The following DOK6 variants were observed in gnomAD, a reference collection of about 807,000 sequenced individuals.
The protein encoded by DOK6 is downstream of tyrosine kinase 6.
DOK6 carries 22 observed loss-of-function variants against 44.0 expected under a neutral mutation model. That is an observed-to-expected ratio of 0.50 (90% confidence interval 0.36 to 0.71). The LOEUF (loss-of-function observed/expected upper bound fraction) is 0.71, where lower values mean the gene tolerates loss of function less well. Ranked by LOEUF, DOK6 falls within the 30% of genes least tolerant of loss-of-function variation. DOK6 has a pLI of 0.00. For missense variants in DOK6, 340 were observed against 416.4 expected (o/e 0.82, Z 1.60); for synonymous variants, 166 against 145.5 (o/e 1.14, Z -1.01).
At chr18:69,824,200 C>CA (rs1418626011) in intron 7 of DOK6, among the ~76,000 whole-genome samples, 1 of 134,090 alleles carries the variant, frequency 7.5e-6, no homozygotes, top group Non-Finnish European at 1.6e-5. Context: ...CCCCCCTCCC[C>CA]CCACCCCACA....
chr18:69,761,639 G>A lies in DOK6; in HGVS notation c.856+3766G>A, dbSNP rs562785986. Among the ~76,000 whole-genome samples, 7 of 152,248 alleles carry A rather than the reference G, an allele frequency of 4.6e-5. No homozygotes were observed. The East Asian group carries it at 1.2e-3, about 25-fold the overall frequency. ...CAGGGCTGAGTTGGCTGCATCAGTT[G>A]GTGAAAGTGGTATCCAGCCAAGTCC... On this transcript the variant is annotated intron_variant, in intron 7 of 7. Transcript: ENST00000382713.
intron 1 of DOK6, among the ~76,000 whole-genome samples, chr18:69,524,923 T>C (rs143711410): frequency 6.6e-6 from 1 of 151,832 alleles, no homozygotes; most frequent in Admixed American, 6.6e-5. Flanking sequence ...GCAAATTCAC[T>C]GGAGAGATGA....
chr18:69,815,610 A>G (rs938586192), intron 7 of DOK6, among the ~76,000 whole-genome samples: 13 of 152,192 alleles, frequency 8.5e-5, no homozygotes, highest in African/African-American at 2.9e-4. Flanking sequence ...CAAGTAAGAG[A>G]AAATCTTATG....
chr18:69,542,113 C>G (rs1982284800), intron 1 of DOK6, among the ~76,000 whole-genome samples: 2 of 151,368 alleles, frequency 1.3e-5, no homozygotes, highest in African/African-American at 4.8e-5. Context: ...CAACTGGATG[C>G]TCTCAAAGGT....
intron 7 of DOK6, among the ~76,000 whole-genome samples, chr18:69,780,734 G>A (rs891728451): frequency 2.0e-5 from 3 of 152,268 alleles, no homozygotes; most frequent in East Asian, 3.9e-4. Context: ...CTATGTATGC[G>A]AGTATATTCA....
intron 2 of DOK6, among the ~76,000 whole-genome samples, chr18:69,581,577 A>G (rs1983370556): frequency 6.6e-6 from 1 of 152,208 alleles, no homozygotes; most frequent in African/African-American, 2.4e-5. Context: ...GTATACACCT[A>G]TAGGCATCAT....
rs192601829 is a variant in DOK6 at position 69,833,840 on chromosome 18, A to G, written c.857-7404A>G. Among the ~76,000 whole-genome samples the G allele has an allele frequency of 5.6e-3, 848 of 152,346 alleles. 4 individuals are homozygous for G. The highest frequency in any genetic ancestry group is 9.1e-3 in the Non-Finnish European group (622 of 68,016). ...ATAACTAATCATTAGAGAAATGCAG[A>G]TCACAACTACAATGGGATATCATCT... On this transcript the variant is annotated intron_variant, in intron 7 of 7. Transcript: ENST00000382713.
intron 4 of DOK6, among the ~76,000 whole-genome samples, chr18:69,683,956 C>T (rs781329124): frequency 1.3e-5 from 2 of 151,988 alleles, no homozygotes; most frequent in Non-Finnish European, 2.9e-5. Flanking sequence ...TTGTGTTCCA[C>T]GAAACACATA....
Position 69,567,344 on chromosome 18 carries a change from T to G in DOK6, c.174+2750T>G, listed in dbSNP as rs1983008451. On this transcript the variant is annotated intron_variant, in intron 2 of 7. Transcript: ENST00000382713. ...TTTAAAAAAATAGGATAATACAGAA[T>G]TAATGGATAACAGCTATAGATATGA... Among the ~76,000 whole-genome samples, 3 of 152,226 alleles carry G rather than the reference T, an allele frequency of 2.0e-5. No individual in the cohort carries two copies. The South Asian group carries it at 6.2e-4, about 32-fold the overall frequency.
intron 1 of DOK6, among the ~76,000 whole-genome samples, chr18:69,485,499 G>A (rs1225268923): frequency 3.9e-5 from 6 of 152,104 alleles, no homozygotes; most frequent in Non-Finnish European, 8.8e-5. Flanking sequence ...GAGGGCATAG[G>A]ATATCCTGCA....
chr18:69,523,200 T>C (rs892821291), intron 1 of DOK6, among the ~76,000 whole-genome samples: 1 of 152,038 alleles, frequency 6.6e-6, no homozygotes, highest in African/African-American at 2.4e-5. Flanking sequence ...TGAATATTGA[T>C]TCAATAAAGT....
At position 69,519,305 on chromosome 18, in the gene DOK6, A is replaced by G. The variant is rs191667511; in HGVS notation, c.67-45182A>G. The stretch of plus-strand genomic sequence containing the variant: ...GTAATTTAGTAATTTATAGTGAAGA[A>G]AAAAACACAAACCTCAGTAACCAAA... On this transcript the variant is annotated intron_variant, in intron 1 of 7. Transcript: ENST00000382713. 2.1e-3 allele frequency among the ~76,000 whole-genome samples: 312 copies of G among 151,990 alleles called. 1 individual carries two copies. Among genetic ancestry groups the G allele is most frequent in the Non-Finnish European group, 3.6e-3 (245 of 67,866 alleles).
intron 7 of DOK6, among the ~76,000 whole-genome samples, chr18:69,770,233 A>T (rs1458535470): frequency 6.6e-6 from 1 of 152,096 alleles, no homozygotes; most frequent in Non-Finnish European, 1.5e-5. Context: ...CCCATTTTAC[A>T]AATAAGAAAA....
chr18:69,547,108 TGTTA>T (rs1273849116), intron 1 of DOK6, among the ~76,000 whole-genome samples: 1 of 151,576 alleles, frequency 6.6e-6, no homozygotes, highest in Non-Finnish European at 1.5e-5. Flanking sequence ...TTTGTTTGTT[TGTTA>T]GTTTTTTGAG....
intron 3 of DOK6, among the ~76,000 whole-genome samples, chr18:69,605,413 G>C (rs768032643): frequency 3.3e-5 from 5 of 152,036 alleles, no homozygotes; most frequent in Non-Finnish European, 7.4e-5. Context: ...TTTCACCTAA[G>C]TCCTGATGCT....
At chr18:69,669,819 T>C (rs570897307) in intron 3 of DOK6, among the ~76,000 whole-genome samples, 273 of 152,330 alleles carry the variant, frequency 1.8e-3, no homozygotes, top group Non-Finnish European at 3.0e-3. Context: ...AATCACACCA[T>C]ATTCCTTATA....
At chr18:69,698,670 T>A in intron 5 of DOK6, 77 bp downstream of exon 5, 1 of 1,436,446 alleles carries the variant, frequency 7.0e-7, no homozygotes, top group East Asian at 2.4e-5. Flanking sequence ...TGAAAGAGAG[T>A]GCTGTCCATC....
chr18:69,447,297 T>C (rs988679960), intron 1 of DOK6, among the ~76,000 whole-genome samples: 7 of 152,218 alleles, frequency 4.6e-5, no homozygotes, highest in Admixed American at 3.9e-4. Flanking sequence ...CCTAGCACCA[T>C]TTATTAAATA....
chr18:69,645,459 A>T (rs879801919), intron 3 of DOK6, among the ~76,000 whole-genome samples: 1 of 152,236 alleles, frequency 6.6e-6, no homozygotes, highest in Admixed American at 6.5e-5. Context: ...AAATAAGATG[A>T]CAAAGTTGGG....
Sources: allele counts gnomAD v4.1 joint callset (sites outside exome capture counted in the v4.1 genomes callset), GRCh38; gene constraint gnomAD v4.1.1; transcripts MANE v1.5; gene names NCBI Gene and HGNC (gene_info 2026-07-23, HGNC 2026-07-21).